PAFAH1B1: variants seen among roughly 807,000 people sequenced by gnomAD.
PAFAH1B1 encodes platelet activating factor acetylhydrolase 1b regulatory subunit 1.
In PAFAH1B1, 2 loss-of-function variants were observed where a neutral mutation model predicts 57.5. That is an observed-to-expected ratio of 0.03 (90% confidence interval 0.01 to 0.11). The LOEUF is 0.11. PAFAH1B1 is among the 10% of genes least tolerant of loss of function. PAFAH1B1 has a pLI of 1.00. For synonymous variants in PAFAH1B1, 152 were observed against 169.6 expected (o/e 0.90, Z 0.81); for missense variants, 257 against 512.0 (o/e 0.50, Z 4.81).
intron 1 of PAFAH1B1, among the ~76,000 whole-genome samples, chr17:2,599,970 C>CA (rs2068121714): frequency 7.5e-6 from 1 of 133,560 alleles, no homozygotes; most frequent in African/African-American, 3.0e-5. Context: ...CCATTTTTAA[C>CA]CTTTTTTTTT....
At chr17:2,675,925 A>G (rs1490157459) in intron 8 of PAFAH1B1, among the ~76,000 whole-genome samples, 4 of 152,234 alleles carry the variant, frequency 2.6e-5, no homozygotes, top group Admixed American at 2.0e-4. Context: ...GTTAAATTAA[A>G]TAGTGATTAC....
intron 2 of PAFAH1B1, among the ~76,000 whole-genome samples, chr17:2,648,251 C>T (rs1011976455): frequency 7.2e-5 from 11 of 152,134 alleles, no homozygotes; most frequent in Admixed American, 3.9e-4. Context: ...ATCCAGTTAC[C>T]TTCCACCGGG....
intron 2 of PAFAH1B1, among the ~76,000 whole-genome samples, chr17:2,649,165 C>T (rs971441100): frequency 2.7e-5 from 4 of 145,570 alleles, no homozygotes; most frequent in East Asian, 2.0e-4. Flanking sequence ...TGCAGTGAGG[C>T]GAGATCATGC....
At position 2,613,737 on chromosome 17, in the gene PAFAH1B1, C is replaced by T. The variant is rs180770210; in HGVS notation, c.-191+19731C>T. On this transcript the variant is annotated intron_variant, in intron 1 of 10. Transcript: ENST00000397195. ...ACGTCCTCAAGGGCTGGGGCCTCCT[C>T]CCCATCCACAGAGAGTCCCCCTGTG... is the stretch of plus-strand genomic sequence containing the variant. The T allele has an allele frequency of 2.9e-3, 855 of 299,176 alleles. 2 individuals are homozygous for T. The highest frequency in any genetic ancestry group is 0.018 in the Middle Eastern group (26 of 1,434). The allele number at this position is 299,176 out of a possible 1,614,324, so 18.5% of individuals were successfully genotyped here. A position where few individuals can be genotyped will look rare whatever the true frequency, so the allele number is the denominator to read the frequency against.
chr17:2,680,892 C>G, intron 10 of PAFAH1B1: 1 of 174,976 alleles, frequency 5.7e-6, no homozygotes, highest in Non-Finnish European at 1.2e-5. Flanking sequence ...TATGCCATGC[C>G]TGGAACATCG....
intron 1 of PAFAH1B1, among the ~76,000 whole-genome samples, chr17:2,624,537 TGAG>T (rs1204870044): frequency 6.6e-6 from 1 of 151,862 alleles, no homozygotes; most frequent in African/African-American, 2.4e-5. Context: ...AAGAGAAAAA[TGAG>T]GAAGAAGCAA....
At chr17:2,657,860 C>T (rs1292193692) in intron 2 of PAFAH1B1, among the ~76,000 whole-genome samples, 1 of 152,176 alleles carries the variant, frequency 6.6e-6, no homozygotes, top group Admixed American at 6.5e-5. Context: ...AACAAGCACT[C>T]ATCCCTTCTT....
At chr17:2,677,170 A>G (rs1026242410) in intron 9 of PAFAH1B1, among the ~76,000 whole-genome samples, 2 of 152,186 alleles carry the variant, frequency 1.3e-5, no homozygotes, top group African/African-American at 4.8e-5. Context: ...ATAAAATAAA[A>G]CAAATGTGTA....
At chr17:2,601,174 G>T (rs1010803392) in intron 1 of PAFAH1B1, among the ~76,000 whole-genome samples, 5 of 152,044 alleles carry the variant, frequency 3.3e-5, no homozygotes, top group African/African-American at 1.2e-4. Flanking sequence ...CGTTCTTGTC[G>T]CCCAGGCTGG....
At chr17:2,644,872 A>G (rs2151639592) in intron 2 of PAFAH1B1, among the ~76,000 whole-genome samples, 1 of 152,314 alleles carries the variant, frequency 6.6e-6, no homozygotes, top group Admixed American at 6.5e-5. Flanking sequence ...GAGAGCTTTT[A>G]ATTTGAATAA....
At chr17:2,598,510 T>C (rs1198487865) in intron 1 of PAFAH1B1, among the ~76,000 whole-genome samples, 1 of 152,076 alleles carries the variant, frequency 6.6e-6, no homozygotes, top group African/African-American at 2.4e-5. Context: ...CTTATTTTTA[T>C]GTGCTTTGGA....
chr17:2,601,617 T>C (rs2068144758), intron 1 of PAFAH1B1, among the ~76,000 whole-genome samples: 1 of 152,198 alleles, frequency 6.6e-6, no homozygotes, highest in African/African-American at 2.4e-5. Context: ...CATATTTCTA[T>C]TTTTAGGAGA....
chr17:2,620,048 C>G (rs949216988), intron 1 of PAFAH1B1, among the ~76,000 whole-genome samples: 2 of 152,160 alleles, frequency 1.3e-5, no homozygotes, highest in African/African-American at 4.8e-5. Flanking sequence ...GCCCTGGCCT[C>G]TTTGTAATAT....
At chr17:2,658,129 G>C (rs372314344) in intron 2 of PAFAH1B1, among the ~76,000 whole-genome samples, 2 of 152,216 alleles carry the variant, frequency 1.3e-5, no homozygotes, top group African/African-American at 4.8e-5. Context: ...GCTGACCTCT[G>C]GCCTGTAGCA....
rs2068962704 is a variant in PAFAH1B1 at position 2,658,121 on chromosome 17, T to C, written c.33-7251T>C. Among the ~76,000 whole-genome samples the C allele has an allele frequency of 2.0e-5, 3 of 152,342 alleles. No homozygotes were observed. In the South Asian group the frequency reaches 6.2e-4, roughly 32 times the overall value. On this transcript the variant is annotated intron_variant, in intron 2 of 10. Coordinates refer to ENST00000397195, the MANE Select transcript of PAFAH1B1 (RefSeq NM_000430.4). ...ATCTCCTCCTCTCTGGAAACGTAGCTGACCTCTGGCCTGTAGCAGGCCATG... is the reference window on the plus strand; with the variant it reads ...ATCTCCTCCTCTCTGGAAACGTAGCCGACCTCTGGCCTGTAGCAGGCCATG...
chr17:2,664,099 G>A (rs923084833), intron 2 of PAFAH1B1, among the ~76,000 whole-genome samples: 1 of 152,100 alleles, frequency 6.6e-6, no homozygotes, highest in African/African-American at 2.4e-5. Flanking sequence ...ATTATTATAC[G>A]TTGATTTTTG....
At chr17:2,664,684 CTCTCTCTCTT>C (rs58286505) in intron 2 of PAFAH1B1, among the ~76,000 whole-genome samples, 9,105 of 128,620 alleles carry the variant, frequency 0.071, 376 homozygotes, top group African/African-American at 0.096. Flanking sequence ...CTCTCTCTCT[CTCTCTCTCTT>C]TCTCTCTCCA....
intron 2 of PAFAH1B1, among the ~76,000 whole-genome samples, chr17:2,646,459 C>T (rs1405111329): frequency 6.6e-6 from 1 of 151,904 alleles, no homozygotes; most frequent in Non-Finnish European, 1.5e-5. Flanking sequence ...TTGAGACCTG[C>T]CTGGCCAACA....
intron 1 of PAFAH1B1, among the ~76,000 whole-genome samples, chr17:2,622,069 C>G (rs1199196229): frequency 6.6e-6 from 1 of 152,160 alleles, no homozygotes; most frequent in Non-Finnish European, 1.5e-5. Context: ...GACCAGCCTC[C>G]ATGATTCAGT....
Sources: allele counts gnomAD v4.1 joint callset (sites outside exome capture counted in the v4.1 genomes callset), GRCh38; gene constraint gnomAD v4.1.1; transcripts MANE v1.5; gene names NCBI Gene and HGNC (gene_info 2026-07-23, HGNC 2026-07-21).